Variants in SLC44A1 observed in about 807,000 individuals in gnomAD.
SLC44A1 encodes the protein solute carrier family 44 member 1.
A neutral mutation model predicts 79.3 loss-of-function variants in SLC44A1; 26 were observed. The ratio of observed to expected loss-of-function variants is 0.33; its 90% confidence interval spans 0.24 to 0.46. SLC44A1 has a LOEUF of 0.46. SLC44A1 is among the 20% of genes least tolerant of loss of function. The pLI, the probability that SLC44A1 is intolerant of heterozygous loss-of-function variation, is 1.00. For missense variants in SLC44A1, 688 were observed against 798.1 expected, an observed-to-expected ratio of 0.86 and a Z score of 1.66; for synonymous variants, 263 against 286.2, an observed-to-expected ratio of 0.92 and a Z score of 0.82.
At chr9:105,312,108 C>T (rs1174130964) in intron 3 of SLC44A1, among the ~76,000 whole-genome samples, 2 of 152,184 alleles carry the variant, frequency 1.3e-5, no homozygotes, top group African/African-American at 4.8e-5. Context: ...AGTAGCTGGT[C>T]TTACTAAGAC....
chr9:105,309,468 A>G (rs7853709), intron 2 of SLC44A1, among the ~76,000 whole-genome samples: 9,646 of 152,186 alleles, frequency 0.063, 1,004 homozygotes, highest in African/African-American at 0.22. Context: ...TATTATTATT[A>G]TTATAAAATT....
chr9:105,297,286 CATT>C (rs1830749380), intron 1 of SLC44A1, among the ~76,000 whole-genome samples: 1 of 151,916 alleles, frequency 6.6e-6, no homozygotes, highest in Non-Finnish European at 1.5e-5. Flanking sequence ...TCTCCGCCCT[CATT>C]GTTGATAGGC....
chr9:105,386,219 T>G (rs777023512), intron 15 of SLC44A1: 237 of 983,730 alleles, frequency 2.4e-4, no homozygotes, highest in Non-Finnish European at 2.8e-4. Flanking sequence ...TTAATGAGTG[T>G]AAGAGAACCT....
chr9:105,399,967 G>A (rs530486696), downstream of SLC44A1, among the ~76,000 whole-genome samples: 23 of 150,706 alleles, frequency 1.5e-4, no homozygotes, highest in African/African-American at 5.1e-4. Context: ...TGGCCGACAT[G>A]GGTGGATCAC....
At position 105,356,395 on chromosome 9, in the gene SLC44A1, T is replaced by G. The variant is rs925162204; in HGVS notation, c.670+14T>G. 1 of 1,558,566 alleles carries G rather than the reference T, an allele frequency of 6.4e-7. No individual in the cohort carries two copies. Among genetic ancestry groups the G allele is most frequent in the African/African-American group, 1.4e-5 (1 of 72,692 alleles). The stretch of plus-strand genomic sequence containing the variant: ...TGTTATCACTAGGTAATTGTTTTTC[T>G]CATTATTAGCTATTGCATAGTATTG... On this transcript the variant is annotated intron_variant, in intron 6 of 15. Transcript: ENST00000374720.
chr9:105,307,734 TC>T (rs1831071368), intron 2 of SLC44A1, among the ~76,000 whole-genome samples: 1 of 152,146 alleles, frequency 6.6e-6, no homozygotes, highest in African/African-American at 2.4e-5. Flanking sequence ...GCACAGGGCT[TC>T]CTAATTTGGA....
At chr9:105,342,688 G>A (rs570052441) in intron 4 of SLC44A1, among the ~76,000 whole-genome samples, 5 of 152,232 alleles carry the variant, frequency 3.3e-5, no homozygotes, top group South Asian at 2.1e-4. Flanking sequence ...TTCAGCATGG[G>A]CATCTGAATT....
intron 1 of SLC44A1, among the ~76,000 whole-genome samples, chr9:105,270,383 A>G (rs148915488): frequency 0.015 from 2,290 of 152,150 alleles, 50 homozygotes; most frequent in African/African-American, 0.053. Flanking sequence ...TCTCCACTCA[A>G]TAGCCTGAGT....
At chr9:105,334,069 A>C (rs1250444776) in intron 3 of SLC44A1, among the ~76,000 whole-genome samples, 1 of 152,160 alleles carries the variant, frequency 6.6e-6, no homozygotes. Context: ...TCTACTCAGA[A>C]GTTGCCAGAA....
chr9:105,412,643 C>G (rs1190548331), intron 15 of SLC44A1, among the ~76,000 whole-genome samples: 2 of 152,038 alleles, frequency 1.3e-5, no homozygotes, highest in Non-Finnish European at 2.9e-5. Context: ...ACTCTGTCAC[C>G]CAGGCTGGAG....
chr9:105,401,073 G>A (rs866607072), downstream of SLC44A1, among the ~76,000 whole-genome samples: 12 of 152,142 alleles, frequency 7.9e-5, no homozygotes, highest in Admixed American at 2.0e-4. Flanking sequence ...TTCAGCATAC[G>A]ACAGTCATCA....
At chr9:105,338,666 G>A (rs1007105243) in intron 4 of SLC44A1, among the ~76,000 whole-genome samples, 3 of 152,084 alleles carry the variant, frequency 2.0e-5, no homozygotes, top group East Asian at 1.9e-4. Context: ...CTCCCTCCTC[G>A]GCCTCTCAAA....
At chr9:105,268,974 T>A (rs1250159802) in intron 1 of SLC44A1, among the ~76,000 whole-genome samples, 1 of 152,222 alleles carries the variant, frequency 6.6e-6, no homozygotes, top group Non-Finnish European at 1.5e-5. Context: ...CCTTTTGTGC[T>A]CTTGTTTCTT....
chr9:105,246,666 A>T (rs1386698943), intron 1 of SLC44A1, among the ~76,000 whole-genome samples: 1 of 152,036 alleles, frequency 6.6e-6, no homozygotes, highest in Non-Finnish European at 1.5e-5. Context: ...TGTTTTTCAG[A>T]TTGCCTTTCT....
At chr9:105,383,012 C>T in intron 13 of SLC44A1, 111 bp from the exon 14 acceptor site, 1 of 722,696 alleles carries the variant, frequency 1.4e-6, no homozygotes, top group East Asian at 2.5e-5. Context: ...ATGGAATGGC[C>T]TCATGCAACC....
chr9:105,362,832 C>G lies in SLC44A1; in HGVS notation c.912C>G (p.Phe304Leu). 6.2e-7 allele frequency: 1 copy of G among 1,600,918 alleles called. No individual in the cohort carries two copies. ...TTCTCTCCATACAGGTGATCTTATT[C>G]CTGATAATGTTGGTTATGCGCAAAC... Reference protein sequence around the residue: ...ISATVFTVILFLIMLVMRKRV... With the variant: ...ISATVFTVILLLIMLVMRKRV... Residue 304 changes from phenylalanine (F) to leucine (L), a missense_variant, in exon 9 of 16, where the codon TTC becomes TTG. Coordinates refer to ENST00000374720, the MANE Select transcript of SLC44A1 (RefSeq NM_080546.5).
At chr9:105,327,779 A>C (rs191340997) in intron 3 of SLC44A1, among the ~76,000 whole-genome samples, 2 of 152,186 alleles carry the variant, frequency 1.3e-5, no homozygotes, top group East Asian at 3.9e-4. Flanking sequence ...TCCCTTCCTC[A>C]GGACACCTAT....
intron 1 of SLC44A1, among the ~76,000 whole-genome samples, chr9:105,265,313 C>T (rs887948313): frequency 6.6e-6 from 1 of 152,186 alleles, no homozygotes; most frequent in Admixed American, 6.5e-5. Context: ...TCAGATCACT[C>T]CTCTACCCTT....
chr9:105,311,419 T>C (rs1190946080), intron 3 of SLC44A1, among the ~76,000 whole-genome samples: 4 of 152,182 alleles, frequency 2.6e-5, no homozygotes, highest in Non-Finnish European at 5.9e-5. Context: ...TTGGAATCAT[T>C]TTTATGGCTC....
Sources: allele counts gnomAD v4.1 joint callset (sites outside exome capture counted in the v4.1 genomes callset), GRCh38; gene constraint gnomAD v4.1.1; transcripts MANE v1.5; gene names NCBI Gene and HGNC (gene_info 2026-07-23, HGNC 2026-07-21).